UGT3A1: variants seen among roughly 807,000 people sequenced by gnomAD.
UGT3A1 encodes the protein UDP glycosyltransferase family 3 member A1.
Under a neutral mutation model 37.6 loss-of-function variants are expected in UGT3A1, and 40 were observed. That is an observed-to-expected ratio of 1.06 (90% CI 0.83 to 1.38). The LOEUF (loss-of-function observed/expected upper bound fraction) is 1.38, where lower values mean the gene tolerates loss of function less well. UGT3A1 is among the 40% of genes most tolerant of loss of function. The pLI, the probability that UGT3A1 is intolerant of heterozygous loss-of-function variation, is 0.00. For synonymous variants in UGT3A1, 256 were observed against 232.3 expected, an observed-to-expected ratio of 1.10 and a Z score of -0.93; for missense variants, 642 against 634.2, an observed-to-expected ratio of 1.01 and a Z score of -0.13.
upstream of UGT3A1, among the ~76,000 whole-genome samples, chr5:35,994,859 T>A (rs1375110636): frequency 6.6e-6 from 1 of 152,104 alleles, no homozygotes; most frequent in African/African-American, 2.4e-5. Flanking sequence ...AAACTCCGGA[T>A]GGGTATTGTG....
intron 1 of UGT3A1, 73 bp from the exon 2 acceptor site, chr5:35,988,624 A>G: frequency 8.5e-7 from 1 of 1,173,268 alleles, no homozygotes; most frequent in Admixed American, 2.1e-5. Context: ...AGTAGGCAGG[A>G]GGGAATGGAA....
At chr5:35,999,512 G>A (rs2111607542) in intron 1 of UGT3A1, among the ~76,000 whole-genome samples, 1 of 152,192 alleles carries the variant, frequency 6.6e-6, no homozygotes, top group East Asian at 1.9e-4. Flanking sequence ...AAACAAGCAG[G>A]GGAATACTTG....
chr5:35,962,129 C>T (rs1252823304), intron 4 of UGT3A1: 1 of 152,224 alleles, frequency 6.6e-6, no homozygotes, highest in African/African-American at 2.4e-5. Flanking sequence ...AAGCTCATCC[C>T]CAAATCTCTC....
intron 2 of UGT3A1, among the ~76,000 whole-genome samples, chr5:35,973,176 G>A (rs1208168126): frequency 2.6e-5 from 4 of 152,184 alleles, no homozygotes; most frequent in African/African-American, 9.6e-5. Flanking sequence ...TTTTGCATGA[G>A]AAACTGTACA....
rs901483716 is a variant in UGT3A1 at position 35,965,759 on chromosome 5, T to C, written c.470A>G (p.Lys157Arg). 3.1e-6 allele frequency: 5 copies of C among 1,614,212 alleles called. No homozygotes were observed. Among genetic ancestry groups the C allele is most frequent in the Non-Finnish European group, 3.4e-6 (4 of 1,180,036 alleles). ...AATGGCCACAAATGGTTTCACAAGCTTCTCAGCAATCAGGAAAGAACAGAA... is the reference window on the plus strand; with the variant it reads ...AATGGCCACAAATGGTTTCACAAGCCTCTCAGCAATCAGGAAAGAACAGAA... ...FDFCSFLIAE[K>R]LVKPFVAILP... The change falls in exon 4 of 7, where the codon AAG becomes AGG. Residue 157 changes from lysine (K) to arginine (R), a missense_variant. By Grantham distance (26) the Lys-to-Arg change is conservative. Coordinates refer to ENST00000274278, the MANE Select transcript of UGT3A1 (RefSeq NM_152404.4).
At chr5:35,979,427 C>T (rs1406491455) in intron 2 of UGT3A1, among the ~76,000 whole-genome samples, 1 of 152,174 alleles carries the variant, frequency 6.6e-6, no homozygotes, top group African/African-American at 2.4e-5. Context: ...CCTAAATCAT[C>T]TCCCTCAAGT....
intron 2 of UGT3A1, among the ~76,000 whole-genome samples, chr5:35,985,912 G>GA (rs1180491320): frequency 6.6e-6 from 1 of 152,078 alleles, no homozygotes; most frequent in Non-Finnish European, 1.5e-5. Flanking sequence ...TCAACAAAAT[G>GA]AAAAGACAAC....
chr5:35,977,022 GAGAA>G (rs200304840), intron 2 of UGT3A1, among the ~76,000 whole-genome samples: 6,626 of 142,182 alleles, frequency 0.047, 681 homozygotes, highest in African/African-American at 0.18. Flanking sequence ...GAAAAAGAGA[GAGAA>G]AGAAAGAAAG....
chr5:35,999,080 C>CA (rs1426140256), intron 1 of UGT3A1, among the ~76,000 whole-genome samples: 1 of 151,754 alleles, frequency 6.6e-6, no homozygotes, highest in Non-Finnish European at 1.5e-5. Flanking sequence ...ACTAAAAATA[C>CA]AAAAAAGTTA....
rs1739262751 is a variant in UGT3A1, at chr5:35,954,199, G to A, written c.*3C>T. On this transcript the variant is annotated 3_prime_UTR_variant, in exon 7 of 7. Transcript: ENST00000274278. The stretch of plus-strand genomic sequence containing the variant: ...CTCCCCTCACCCAAGGCTACACCTA[G>A]CCTCATGTCTTCTTCACCTTCCTGG... The A allele has an allele frequency of 6.2e-7, 1 of 1,613,518 alleles. No individual in the cohort carries two copies. The highest frequency in any genetic ancestry group is 8.5e-7 in the Non-Finnish European group (1 of 1,179,770).
intron 2 of UGT3A1, among the ~76,000 whole-genome samples, chr5:35,976,636 T>A (rs1740281600): frequency 6.6e-6 from 1 of 152,050 alleles, no homozygotes; most frequent in African/African-American, 2.4e-5. Context: ...GGCCAGAAGT[T>A]TGAGGTCAGC....
At chr5:35,968,720 C>T (rs1409482929) in intron 2 of UGT3A1, among the ~76,000 whole-genome samples, 1 of 152,102 alleles carries the variant, frequency 6.6e-6, no homozygotes, top group Admixed American at 6.6e-5. Flanking sequence ...TGACTGCTGA[C>T]TCCTTTCCAG....
At chr5:35,963,753 AC>A (rs1399285619) in intron 4 of UGT3A1, among the ~76,000 whole-genome samples, 1 of 151,920 alleles carries the variant, frequency 6.6e-6, no homozygotes, top group Non-Finnish European at 1.5e-5. Flanking sequence ...GTTTTTTCCC[AC>A]CCCTTGTGGC....
chr5:35,972,177 G>A (rs189926379), intron 2 of UGT3A1, among the ~76,000 whole-genome samples: 1 of 152,278 alleles, frequency 6.6e-6, no homozygotes, highest in East Asian at 1.9e-4. Flanking sequence ...TTGGCTAGGA[G>A]AGAGTACACG....
Position 35,991,214 on chromosome 5 carries a change from T to G in UGT3A1, c.27A>C (p.Leu9=). The part of the protein sequence containing the change: MVGQRVLL[L]VAFLLSGVLL... Reference sequence around the variant, plus strand: ...GGACCCCAGAAAGAAGGAAGGCCACTAGAAGCAGCACCCGCTGCCCAACCA... The same window carrying G: ...GGACCCCAGAAAGAAGGAAGGCCACGAGAAGCAGCACCCGCTGCCCAACCA... Residue 9 remains leucine (L), a synonymous_variant, in exon 1 of 7, where the codon CTA becomes CTC. Transcript: ENST00000274278. The G allele has an allele frequency of 6.2e-7, 1 of 1,614,212 alleles. No homozygotes were observed. The highest frequency in any genetic ancestry group is 8.5e-7 in the Non-Finnish European group (1 of 1,180,032).
intron 2 of UGT3A1, among the ~76,000 whole-genome samples, chr5:35,982,144 T>C (rs1347616949): frequency 6.6e-6 from 1 of 152,234 alleles, no homozygotes; most frequent in Non-Finnish European, 1.5e-5. Flanking sequence ...AGAAGTCTGC[T>C]GCAGGGGTGG....
intron 4 of UGT3A1, among the ~76,000 whole-genome samples, chr5:35,960,431 C>T (rs1440813680): frequency 6.6e-6 from 1 of 152,138 alleles, no homozygotes; most frequent in African/African-American, 2.4e-5. Flanking sequence ...TTCCCTGACC[C>T]CCCCTCACAG....
intron 3 of UGT3A1, among the ~76,000 whole-genome samples, chr5:35,967,775 G>A (rs1739870264): frequency 6.6e-6 from 1 of 152,040 alleles, no homozygotes; most frequent in Admixed American, 6.6e-5. Context: ...TCAATTGTTG[G>A]GAATGCAAAC....
chr5:35,999,294 C>T (rs1741168686), intron 1 of UGT3A1, among the ~76,000 whole-genome samples: 1 of 149,926 alleles, frequency 6.7e-6, no homozygotes, highest in African/African-American at 2.5e-5. Flanking sequence ...TATTCTAAAA[C>T]CAAAACGTTT....
Sources: allele counts gnomAD v4.1 joint callset (sites outside exome capture counted in the v4.1 genomes callset), GRCh38; gene constraint gnomAD v4.1.1; transcripts MANE v1.5; gene names NCBI Gene and HGNC (gene_info 2026-07-23, HGNC 2026-07-21).